Variants in ELMO1 observed in about 807,000 individuals in gnomAD.
The protein encoded by ELMO1 is engulfment and cell motility protein 1.
A neutral mutation model predicts 98.9 loss-of-function variants in ELMO1; 26 were observed. That is an observed-to-expected ratio of 0.26 (90% confidence interval 0.19 to 0.36). The LOEUF (loss-of-function observed/expected upper bound fraction) is 0.36. ELMO1 is among the 10% of genes least tolerant of loss of function. The pLI is 1.00. For synonymous variants in ELMO1, 346 were observed against 346.0 expected (o/e 1.00, Z 0.00); for missense variants, 627 against 935.2 (o/e 0.67, Z 4.30).
chr7:37,037,753 T>G (rs1433171616), intron 15 of ELMO1, among the ~76,000 whole-genome samples: 3 of 152,200 alleles, frequency 2.0e-5, no homozygotes, highest in African/African-American at 7.2e-5. Context: ...AAGCTTTGTG[T>G]TTTGTTTCAT....
intron 6 of ELMO1, among the ~76,000 whole-genome samples, chr7:37,249,438 G>A (rs886351773): frequency 5.9e-5 from 9 of 152,090 alleles, no homozygotes; most frequent in Admixed American, 6.5e-5. Flanking sequence ...AAATAACTAT[G>A]GGACTCCTTC....
chr7:37,020,251 T>C lies in ELMO1; in HGVS notation c.1301-6816A>G, dbSNP rs180799292. ...AGTCTCCATATACATAGATGCCAGATAATACATCTTCAACTCCCCAAAGCC... is the reference window on the plus strand; with the variant it reads ...AGTCTCCATATACATAGATGCCAGACAATACATCTTCAACTCCCCAAAGCC... On this transcript the variant is annotated intron_variant, in intron 15 of 21. Coordinates refer to ENST00000310758, the MANE Select transcript of ELMO1 (RefSeq NM_014800.11). Among the ~76,000 whole-genome samples the C allele has an allele frequency of 4.6e-3, 701 of 152,328 alleles. 20 individuals carry two copies. The highest frequency in any genetic ancestry group is 0.044 in the Admixed American group (667 of 15,292).
chr7:37,394,584 G>A (rs1803213989), intron 1 of ELMO1, among the ~76,000 whole-genome samples: 1 of 152,218 alleles, frequency 6.6e-6, no homozygotes, highest in Non-Finnish European at 1.5e-5. Context: ...TATACATGAG[G>A]AGACAATGGA....
intron 15 of ELMO1, among the ~76,000 whole-genome samples, chr7:37,059,990 C>A (rs1195963993): frequency 6.6e-6 from 1 of 152,166 alleles, no homozygotes; most frequent in African/African-American, 2.4e-5. Flanking sequence ...AAACAAGATA[C>A]CTACAAGGAA....
At chr7:37,323,177 T>C (rs985767856) in intron 2 of ELMO1, among the ~76,000 whole-genome samples, 1 of 152,236 alleles carries the variant, frequency 6.6e-6, no homozygotes, top group Admixed American at 6.5e-5. Flanking sequence ...AAAATATCGT[T>C]ATTTGTTAAA....
chr7:37,022,455 T>C (rs1794325120), intron 15 of ELMO1, among the ~76,000 whole-genome samples: 1 of 152,104 alleles, frequency 6.6e-6, no homozygotes, highest in Non-Finnish European at 1.5e-5. Context: ...GACATATAAG[T>C]GGCCAATGAA....
chr7:37,007,802 T>C (rs1426446822), intron 16 of ELMO1, among the ~76,000 whole-genome samples: 3 of 152,200 alleles, frequency 2.0e-5, no homozygotes, highest in South Asian at 2.1e-4. Flanking sequence ...ATAATCTTCA[T>C]AGGAGATTTC....
Position 37,342,316 on chromosome 7 carries a change from G to A in ELMO1, c.78+297C>T, listed in dbSNP as rs1339756986. Among the ~76,000 whole-genome samples the A allele has an allele frequency of 6.6e-6, 1 of 152,220 alleles. No individual in the cohort carries two copies. Among genetic ancestry groups the A allele is most frequent in the African/African-American group, 2.4e-5 (1 of 41,456 alleles). ...ATGTGTCATGGCAAGGCAGGGATGG[G>A]GCAGCCTCCACTGTGTCAACTGCCC... On this transcript the variant is annotated intron_variant, in intron 2 of 21. Transcript: ENST00000310758. The surrounding 1 kb of genome is among the most constrained non-coding windows in gnomAD (Gnocchi z 4.3).
chr7:36,958,389 A>T (rs967271631), intron 16 of ELMO1, among the ~76,000 whole-genome samples: 13 of 151,974 alleles, frequency 8.6e-5, no homozygotes, highest in Admixed American at 2.0e-4. Context: ...ATCTGACTGT[A>T]TTTTTCTAGC....
At chr7:37,017,838 A>G (rs35733347) in intron 15 of ELMO1, among the ~76,000 whole-genome samples, 1 of 152,198 alleles carries the variant, frequency 6.6e-6, no homozygotes, top group African/African-American at 2.4e-5. Flanking sequence ...AAGCACATTG[A>G]CAATAGCATA....
At chr7:37,186,661 A>C (rs895328782) in intron 13 of ELMO1, among the ~76,000 whole-genome samples, 1 of 152,188 alleles carries the variant, frequency 6.6e-6, no homozygotes, top group African/African-American at 2.4e-5. Context: ...CTGAACAGAC[A>C]TTTCCCCAAA....
intron 4 of ELMO1, among the ~76,000 whole-genome samples, chr7:37,292,758 G>A (rs1350308412): frequency 4.1e-5 from 4 of 97,348 alleles, no homozygotes; most frequent in African/African-American, 7.1e-5. Context: ...CCCCCCGCCC[G>A]GCCAGCCACC....
intron 16 of ELMO1, among the ~76,000 whole-genome samples, chr7:36,959,275 T>C (rs1444289844): frequency 6.6e-6 from 1 of 151,938 alleles, no homozygotes; most frequent in East Asian, 1.9e-4. Context: ...TCATGTCCCC[T>C]CATTCCCCTA....
chr7:36,975,199 G>A (rs1790417853), intron 16 of ELMO1, among the ~76,000 whole-genome samples: 1 of 152,222 alleles, frequency 6.6e-6, no homozygotes, highest in Admixed American at 6.5e-5. Flanking sequence ...GCCAGGCATG[G>A]TGGCTAACAC....
chr7:37,232,392 G>C (rs1203768945), intron 8 of ELMO1, among the ~76,000 whole-genome samples: 1 of 152,182 alleles, frequency 6.6e-6, no homozygotes, highest in African/African-American at 2.4e-5. Context: ...AATGATAATT[G>C]TCCATGATTT....
chr7:37,178,220 C>A (rs565043328), intron 13 of ELMO1, among the ~76,000 whole-genome samples: 2 of 151,580 alleles, frequency 1.3e-5, no homozygotes, highest in African/African-American at 4.9e-5. Context: ...ACAATCATGG[C>A]GGAAGGTCAA....
At chr7:36,987,400 G>A (rs1791589302) in intron 16 of ELMO1, among the ~76,000 whole-genome samples, 1 of 152,178 alleles carries the variant, frequency 6.6e-6, no homozygotes, top group South Asian at 2.1e-4. Context: ...GAAGCCCTCA[G>A]TTCCACAGAG....
chr7:37,131,814 C>A (rs929615869), intron 14 of ELMO1, among the ~76,000 whole-genome samples: 1 of 152,188 alleles, frequency 6.6e-6, no homozygotes, highest in Non-Finnish European at 1.5e-5. Flanking sequence ...ATTCAGATTA[C>A]AAATAATATT....
intron 16 of ELMO1, among the ~76,000 whole-genome samples, chr7:36,991,411 A>C (rs900382060): frequency 6.6e-6 from 1 of 152,208 alleles, no homozygotes; most frequent in South Asian, 2.1e-4. Context: ...TGTAGCCACT[A>C]CTGGCTCAGT....
Sources: gnomAD v4.1 joint callset for allele counts (sites outside exome capture counted in the v4.1 genomes callset) on GRCh38, gnomAD v4.1.1 for gene constraint, Gnocchi (gnomAD v3.1) non-coding constraint, MANE v1.5 for transcripts, NCBI Gene and HGNC (gene_info 2026-07-23, HGNC 2026-07-21) for gene names.